The following ESRRB variants were observed in gnomAD, a reference collection of about 807,000 sequenced individuals.
The protein encoded by ESRRB is estrogen related receptor beta.
A neutral mutation model predicts 46.0 loss-of-function variants in ESRRB; 16 were observed. The ratio of observed to expected loss-of-function variants is 0.35; its 90% confidence interval spans 0.24 to 0.53. The LOEUF is 0.53. Ranked by LOEUF, ESRRB falls within the 20% of genes least tolerant of loss-of-function variation. The pLI is 0.93. For synonymous variants in ESRRB, 246 were observed against 259.6 expected, an observed-to-expected ratio of 0.95 and a Z score of 0.50; for missense variants, 488 against 607.4, an observed-to-expected ratio of 0.80 and a Z score of 2.07.
Position 76,333,112 on chromosome 14 carries a change from A to T in ESRRB, c.2+22196A>T, listed in dbSNP as rs868253289. Among the ~76,000 whole-genome samples, 18 of 5,890 alleles carry T rather than the reference A, an allele frequency of 3.1e-3. 3 individuals are homozygous for T. Among genetic ancestry groups the T allele is most frequent in the South Asian group, 6.6e-3 (1 of 152 alleles). The allele number at this position is 5,890 out of a possible 152,430, so 3.9% of individuals were successfully genotyped here. On this transcript the variant is annotated intron_variant, in intron 1 of 6. Transcript: ENST00000512784. ...TATTATATATTATATATAATATATA[A>T]TATATAATATATATATTATATATTA...
At chr14:76,457,008 G>A (rs1427307393) in intron 2 of ESRRB, among the ~76,000 whole-genome samples, 1 of 152,118 alleles carries the variant, frequency 6.6e-6, no homozygotes, top group East Asian at 1.9e-4. Flanking sequence ...ACAGGTCCCC[G>A]AGAGCTATTT....
rs1890612167 is a variant in ESRRB, at chr14:76,500,207, C to T, written c.*1749C>T. On this transcript the variant is annotated 3_prime_UTR_variant, in exon 7 of 7. Coordinates refer to ENST00000644823, the MANE Select transcript of ESRRB (RefSeq NM_001379180.1). Reference sequence around the variant, plus strand: ...GGGAGGGCTGGCTGAAATCCACAAACTGCAGAGCAGCTCTCTGATGGTGTC... The same window carrying T: ...GGGAGGGCTGGCTGAAATCCACAAATTGCAGAGCAGCTCTCTGATGGTGTC... 3.0e-6 allele frequency: 2 copies of T among 670,934 alleles called. No individual in the cohort carries two copies. The highest frequency in any genetic ancestry group is 3.6e-5 in the African/African-American group (2 of 55,008). The allele number at this position is 670,934 out of a possible 1,614,324, so 41.6% of individuals were successfully genotyped here.
chr14:76,476,646 A>T (rs1412348972), intron 3 of ESRRB, among the ~76,000 whole-genome samples: 1 of 152,242 alleles, frequency 6.6e-6, no homozygotes, highest in African/African-American at 2.4e-5. Context: ...CAGCGTAAGC[A>T]TGGATAAATG....
At chr14:76,478,293 G>A (rs1595158367) in intron 3 of ESRRB, among the ~76,000 whole-genome samples, 3 of 152,178 alleles carry the variant, frequency 2.0e-5, no homozygotes, top group South Asian at 4.2e-4. Flanking sequence ...GAGGACAGAG[G>A]TACATCCACC....
intron 1 of ESRRB, among the ~76,000 whole-genome samples, chr14:76,432,489 C>T (rs561557339): frequency 3.3e-5 from 5 of 152,168 alleles, no homozygotes; most frequent in Non-Finnish European, 7.3e-5. Context: ...CCCTCCGGCC[C>T]TTGCCTTCAC....
rs60031556 is a variant in ESRRB, at chr14:76,462,682, G to A, written c.577+21G>A. ...GGAAGGTAAGAGACCCCACCGAGTCGGGGTTCACTGTGAGGCTCTGCTTGC... is the reference window on the plus strand; with the variant it reads ...GGAAGGTAAGAGACCCCACCGAGTCAGGGTTCACTGTGAGGCTCTGCTTGC... On this transcript the variant is annotated intron_variant, in intron 3 of 6. Transcript: ENST00000644823. 14,687 of 1,562,098 alleles carry A rather than the reference G, an allele frequency of 9.4e-3. 1,062 individuals are homozygous for A. The African/African-American group carries it at 0.17, about 18-fold the overall frequency.
intron 1 of ESRRB, among the ~76,000 whole-genome samples, chr14:76,320,317 C>T (rs1405617292): frequency 6.6e-6 from 1 of 152,236 alleles, no homozygotes; most frequent in Non-Finnish European, 1.5e-5. Flanking sequence ...TTTACATTAG[C>T]TTCTATAAGC....
intron 1 of ESRRB, among the ~76,000 whole-genome samples, chr14:76,348,151 A>G (rs1884271754): frequency 6.6e-6 from 1 of 152,134 alleles, no homozygotes; most frequent in African/African-American, 2.4e-5. Flanking sequence ...ATTATTAGCC[A>G]CTTCAAGGTG....
intron 2 of ESRRB, among the ~76,000 whole-genome samples, chr14:76,440,434 A>AAATAAT (rs1290239521): frequency 4.0e-4 from 61 of 152,182 alleles, no homozygotes; most frequent in African/African-American, 1.4e-3. Flanking sequence ...CCCTGTCTCA[A>AAATAAT]AATAATAATA....
chr14:76,411,401 T>C (rs1886434880), intron 1 of ESRRB, among the ~76,000 whole-genome samples: 1 of 151,954 alleles, frequency 6.6e-6, no homozygotes, highest in African/African-American at 2.4e-5. Flanking sequence ...TGAGCTGAGA[T>C]TGCGCCACCG....
At chr14:76,421,486 G>A (rs895327858) in intron 1 of ESRRB, among the ~76,000 whole-genome samples, 28 of 152,298 alleles carry the variant, frequency 1.8e-4, no homozygotes, top group African/African-American at 5.3e-4. Flanking sequence ...ATTGTTATTC[G>A]GTTATATAAT....
chr14:76,485,155 A>G (rs912502882), intron 5 of ESRRB, among the ~76,000 whole-genome samples: 1 of 152,026 alleles, frequency 6.6e-6, no homozygotes, highest in Non-Finnish European at 1.5e-5. Flanking sequence ...TCCAGTGTTT[A>G]AGGTAAAATT....
intron 1 of ESRRB, among the ~76,000 whole-genome samples, chr14:76,377,336 G>C (rs1389237276): frequency 6.6e-6 from 1 of 152,132 alleles, no homozygotes; most frequent in African/African-American, 2.4e-5. Flanking sequence ...CCGGGCTCTC[G>C]GGGATCCCAC....
chr14:76,426,927 G>A (rs1003819045), intron 1 of ESRRB, among the ~76,000 whole-genome samples: 9 of 152,226 alleles, frequency 5.9e-5, no homozygotes, highest in African/African-American at 2.2e-4. Flanking sequence ...GAGTGACAGT[G>A]TGTGAGCTAC....
chr14:76,370,572 G>A (rs1358446501), upstream of ESRRB, among the ~76,000 whole-genome samples: 1 of 152,154 alleles, frequency 6.6e-6, no homozygotes. Context: ...ATTGTTCAAT[G>A]CCTCTTAGCT....
intron 1 of ESRRB, among the ~76,000 whole-genome samples, chr14:76,395,307 T>C (rs1298221285): frequency 6.6e-6 from 1 of 152,166 alleles, no homozygotes; most frequent in Non-Finnish European, 1.5e-5. Context: ...TAACTGGCCA[T>C]CCCTGCTCCG....
At chr14:76,354,710 T>A in intron 1 of ESRRB, among the ~76,000 whole-genome samples, 2 of 134,072 alleles carry the variant, frequency 1.5e-5, no homozygotes, top group South Asian at 5.9e-4. Context: ...CCTGGGCTTT[T>A]TTTTTTTTTT....
intron 1 of ESRRB, among the ~76,000 whole-genome samples, chr14:76,402,533 C>T (rs1489978053): frequency 6.6e-6 from 1 of 152,124 alleles, no homozygotes; most frequent in Non-Finnish European, 1.5e-5. Flanking sequence ...GGAAACACCA[C>T]CCTGGAGATG....
At chr14:76,426,184 C>A (rs1887193276) in intron 1 of ESRRB, among the ~76,000 whole-genome samples, 1 of 152,168 alleles carries the variant, frequency 6.6e-6, no homozygotes. Context: ...TGTGGCTCTG[C>A]TATCCCCCAG....
Sources: gnomAD v4.1 joint callset for allele counts (sites outside exome capture counted in the v4.1 genomes callset) on GRCh38, gnomAD v4.1.1 for gene constraint, MANE v1.5 for transcripts, NCBI Gene and HGNC (gene_info 2026-07-23, HGNC 2026-07-21) for gene names.